NBAS: variants seen among roughly 807,000 people sequenced by gnomAD.
NBAS encodes the protein NAG/BC035112 fusion.
NBAS carries 219 observed loss-of-function variants against 302.5 expected under a neutral mutation model. The ratio of observed to expected loss-of-function variants is 0.72; its 90% CI spans 0.65 to 0.81. The LOEUF is 0.81. Among genes scored for constraint, NBAS ranks in the 30% least tolerant of loss-of-function variants. The pLI is 0.00. For missense variants in NBAS, 2,932 were observed against 2,841.6 expected (o/e 1.03, Z -0.72); for synonymous variants, 1,118 against 1,021.6 (o/e 1.09, Z -1.80).
At chr2:15,136,605 CT>C in the NBAS span, among the ~76,000 whole-genome samples, 1 of 152,198 alleles carries the variant, frequency 6.6e-6, no homozygotes, top group African/African-American at 2.4e-5. Context: ...CCTTACCCCC[CT>C]GGTGATGGTA....
chr2:15,321,592 G>T (rs1671809225), intron 38 of NBAS, among the ~76,000 whole-genome samples: 1 of 152,188 alleles, frequency 6.6e-6, no homozygotes, highest in Non-Finnish European at 1.5e-5. Flanking sequence ...CAAAGGATAT[G>T]AACAGACACT....
At chr2:14,892,661 C>T in the NBAS span, among the ~76,000 whole-genome samples, 1 of 150,388 alleles carries the variant, frequency 6.6e-6, no homozygotes, top group African/African-American at 2.5e-5. Context: ...TTGATTAAAT[C>T]AATATGCTCT....
At chr2:15,100,885 TA>T in the NBAS span, among the ~76,000 whole-genome samples, 1 of 152,210 alleles carries the variant, frequency 6.6e-6, no homozygotes, top group African/African-American at 2.4e-5. Context: ...CTAGCAAGCT[TA>T]AAAATCTTCC....
intron 30 of NBAS, among the ~76,000 whole-genome samples, chr2:15,378,177 T>C (rs1230820759): frequency 2.0e-5 from 3 of 152,158 alleles, no homozygotes; most frequent in African/African-American, 7.2e-5. Flanking sequence ...AGAAAAATTG[T>C]CAGTTGCCTT....
At chr2:15,317,845 C>G (rs556192752) in intron 38 of NBAS, among the ~76,000 whole-genome samples, 1 of 152,268 alleles carries the variant, frequency 6.6e-6, no homozygotes, top group Non-Finnish European at 1.5e-5. Context: ...TCCAGGAGAA[C>G]TTCCCCAACC....
At chr2:15,421,248 C>T (rs1393839332) in intron 23 of NBAS, among the ~76,000 whole-genome samples, 1 of 152,220 alleles carries the variant, frequency 6.6e-6, no homozygotes, top group African/African-American at 2.4e-5. Context: ...ACACACAGTA[C>T]ATCAGCAATT....
At chr2:15,002,607 C>T in the NBAS span, among the ~76,000 whole-genome samples, 1 of 152,216 alleles carries the variant, frequency 6.6e-6, no homozygotes, top group Non-Finnish European at 1.5e-5. Flanking sequence ...TGGGGAGGCT[C>T]GGGCCGCACA....
the NBAS span, among the ~76,000 whole-genome samples, chr2:15,061,857 A>G: frequency 2.6e-5 from 4 of 152,368 alleles, no homozygotes; most frequent in African/African-American, 9.6e-5. Flanking sequence ...TCACAGGCGA[A>G]GATAAGCAAA....
the NBAS span, among the ~76,000 whole-genome samples, chr2:14,836,042 T>C: frequency 6.6e-6 from 1 of 151,978 alleles, no homozygotes; most frequent in South Asian, 2.1e-4. Context: ...CATAAAGGCA[T>C]AAAGTTGAAT....
At chr2:15,368,593 C>T (rs572752632) in intron 31 of NBAS, among the ~76,000 whole-genome samples, 1 of 152,290 alleles carries the variant, frequency 6.6e-6, no homozygotes, top group African/African-American at 2.4e-5. Flanking sequence ...ACTTACTCTT[C>T]AGTTACTTCC....
the NBAS span, among the ~76,000 whole-genome samples, chr2:14,949,669 G>A: frequency 6.6e-6 from 1 of 152,122 alleles, no homozygotes; most frequent in Non-Finnish European, 1.5e-5. Flanking sequence ...ATATATGTGT[G>A]TATAGATATA....
At chr2:15,247,393 C>A (rs1668140108) in intron 44 of NBAS, among the ~76,000 whole-genome samples, 1 of 152,032 alleles carries the variant, frequency 6.6e-6, no homozygotes, top group Admixed American at 6.6e-5. Context: ...ACAATATTAA[C>A]CTTAAATGTA....
the NBAS span, among the ~76,000 whole-genome samples, chr2:15,067,080 T>C: frequency 7.0e-6 from 1 of 143,150 alleles, no homozygotes; most frequent in Non-Finnish European, 1.5e-5. Context: ...CCCACCACTT[T>C]GGGAGGCCAA....
chr2:15,050,713 A>T, the NBAS span, among the ~76,000 whole-genome samples: 1 of 152,320 alleles, frequency 6.6e-6, no homozygotes, highest in East Asian at 1.9e-4. Context: ...TGGCAGAGTG[A>T]CAGCCTGACA....
chr2:15,163,994 GC>G (rs1161936803), downstream of NBAS, among the ~76,000 whole-genome samples: 6 of 152,010 alleles, frequency 3.9e-5, no homozygotes, highest in Non-Finnish European at 1.5e-5. Flanking sequence ...ATGGGGTTTC[GC>G]CATGTTGGCC....
At chr2:15,108,753 G>A in the NBAS span, among the ~76,000 whole-genome samples, 1 of 152,112 alleles carries the variant, frequency 6.6e-6, no homozygotes, top group East Asian at 1.9e-4. Context: ...GCCTGAAAAG[G>A]CAACCAATTA....
At chr2:15,416,558 C>T (rs540353434) in intron 24 of NBAS, among the ~76,000 whole-genome samples, 2 of 152,170 alleles carry the variant, frequency 1.3e-5, no homozygotes, top group East Asian at 3.9e-4. Flanking sequence ...CATCCCAGCA[C>T]TTTGGGAGGC....
At chr2:15,099,479 A>G in the NBAS span, among the ~76,000 whole-genome samples, 1 of 152,134 alleles carries the variant, frequency 6.6e-6, no homozygotes, top group African/African-American at 2.4e-5. Context: ...GCACAGAGGA[A>G]GAAGTTATTT....
At chr2:15,488,627 G>C (rs767302395) in intron 12 of NBAS, among the ~76,000 whole-genome samples, 6 of 151,994 alleles carry the variant, frequency 3.9e-5, no homozygotes, top group African/African-American at 7.2e-5. Context: ...GAATGACAAA[G>C]AGGGAAAAAA....
Sources: allele counts gnomAD v4.1 joint callset (sites outside exome capture counted in the v4.1 genomes callset), GRCh38; gene constraint gnomAD v4.1.1; transcripts MANE v1.5; gene names NCBI Gene and HGNC (gene_info 2026-07-23, HGNC 2026-07-21).